Variants in FTO observed in about 807,000 individuals in gnomAD.
The protein encoded by FTO is FTO alpha-ketoglutarate dependent dioxygenase, also known as alpha-ketoglutarate-dependent dioxygenase FTO.
A neutral mutation model predicts 63.9 loss-of-function variants in FTO; 47 were observed. That is an observed-to-expected ratio of 0.74 (90% CI 0.58 to 0.94). The LOEUF (loss-of-function observed/expected upper bound fraction) is 0.94, where lower values mean the gene tolerates loss of function less well. Ranked by LOEUF, FTO falls within the 40% of genes least tolerant of loss-of-function variation. The pLI is 0.00. For synonymous variants in FTO, 207 were observed against 224.4 expected, an observed-to-expected ratio of 0.92 and a Z score of 0.69; for missense variants, 562 against 618.1, an observed-to-expected ratio of 0.91 and a Z score of 0.96.
chr16:53,882,952 T>C (rs2080878092), intron 6 of FTO, among the ~76,000 whole-genome samples: 1 of 152,148 alleles, frequency 6.6e-6, no homozygotes, highest in Non-Finnish European at 1.5e-5. Flanking sequence ...CTTGCTGCCC[T>C]TCATTGTGCC....
chr16:54,103,316 G>A (rs970369488), intron 8 of FTO, among the ~76,000 whole-genome samples: 14 of 152,136 alleles, frequency 9.2e-5, no homozygotes, highest in Admixed American at 3.9e-4. Context: ...TCCCAGAAGC[G>A]TGAGGCCCAA....
chr16:53,868,338 A>G (rs1598866731), intron 4 of FTO, among the ~76,000 whole-genome samples: 2 of 151,958 alleles, frequency 1.3e-5, no homozygotes, highest in East Asian at 1.9e-4. Context: ...CTTTCTTAGC[A>G]TATCAATTAC....
At chr16:53,966,894 G>A (rs142400743) in intron 8 of FTO, among the ~76,000 whole-genome samples, 9 of 152,274 alleles carry the variant, frequency 5.9e-5, no homozygotes, top group African/African-American at 2.2e-4. Context: ...GATACCATTT[G>A]CAATGGTAGA....
chr16:54,077,412 G>A (rs2086025895), intron 8 of FTO, among the ~76,000 whole-genome samples: 1 of 152,122 alleles, frequency 6.6e-6, no homozygotes, highest in African/African-American at 2.4e-5. Context: ...AGCTGGTATT[G>A]GTGAGGCTTG....
chr16:54,063,697 T>TTC (rs1221322350), intron 8 of FTO: 22 of 151,168 alleles, frequency 1.5e-4, no homozygotes, highest in African/African-American at 5.1e-4. Context: ...CTCTTTTCTT[T>TTC]TTTTTTTTTT....
chr16:54,076,626 A>G (rs2085999287), intron 8 of FTO, among the ~76,000 whole-genome samples: 1 of 152,184 alleles, frequency 6.6e-6, no homozygotes, highest in African/African-American at 2.4e-5. Context: ...TATATTATGT[A>G]CATATAAATT....
intron 8 of FTO, among the ~76,000 whole-genome samples, chr16:53,965,069 A>ACC (rs150762048): frequency 2.5e-4 from 38 of 152,018 alleles, no homozygotes; most frequent in African/African-American, 8.0e-4. Context: ...GTAGTGATGA[A>ACC]CCCCCCGCCC....
intron 1 of FTO, among the ~76,000 whole-genome samples, chr16:53,716,966 T>G (rs933222767): frequency 6.6e-6 from 1 of 151,268 alleles, no homozygotes; most frequent in African/African-American, 2.4e-5. Context: ...TAAACAAAAA[T>G]TAGAAAGATA....
rs542327818 is a variant in FTO at position 53,921,461 on chromosome 16, C to T, written c.1240-12524C>T. Among the ~76,000 whole-genome samples, 9 of 152,234 alleles carry T rather than the reference C, an allele frequency of 5.9e-5. No individual in the cohort carries two copies. The East Asian group carries it at 1.2e-3, about 20-fold the overall frequency. ...TTATTTCGTACTTGGTATAGTTAGC[C>T]GTTCTTCACCTTCAATTAACAGTTA... On this transcript the variant is annotated intron_variant, in intron 7 of 8. Transcript: ENST00000471389.
rs201496428 is a variant in FTO at position 53,826,340 on chromosome 16, C to T, written c.600C>T (p.Asn200=). Residue 200 remains asparagine, a synonymous_variant, in exon 3 of 9, where the codon AAC becomes AAT. Coordinates refer to ENST00000471389, the MANE Select transcript of FTO (RefSeq NM_001080432.3). ...EVDIKSRAAY[N]VTLLNFMDPQ... ...ACATTAAGAGCAGAGCAGCATACAACGTAACTTTGCTGAATTTCATGGATC... is the reference window on the plus strand; with the variant it reads ...ACATTAAGAGCAGAGCAGCATACAATGTAACTTTGCTGAATTTCATGGATC... 43 of 1,614,178 alleles carry T rather than the reference C, an allele frequency of 2.7e-5. No individual in the cohort carries two copies. Among genetic ancestry groups the T allele is most frequent in the East Asian group, 1.8e-4 (8 of 44,870 alleles).
chr16:53,922,852 A>G (rs1323654059), intron 7 of FTO, among the ~76,000 whole-genome samples: 3 of 152,204 alleles, frequency 2.0e-5, no homozygotes, highest in African/African-American at 4.8e-5. Context: ...AAGTGAGGGT[A>G]ATAAGAGTGT....
chr16:54,091,605 A>G (rs2086385085), intron 8 of FTO, among the ~76,000 whole-genome samples: 1 of 152,274 alleles, frequency 6.6e-6, no homozygotes, highest in Non-Finnish European at 1.5e-5. Context: ...GGTAACTACC[A>G]TATGAAACAA....
chr16:53,736,276 G>T (rs1441591701), intron 1 of FTO, among the ~76,000 whole-genome samples: 1 of 151,692 alleles, frequency 6.6e-6, no homozygotes, highest in Non-Finnish European at 1.5e-5. Context: ...GCTAAACCAG[G>T]TCAAACTCCT....
At chr16:53,941,031 G>A (rs1269523348) in intron 8 of FTO, among the ~76,000 whole-genome samples, 4 of 152,058 alleles carry the variant, frequency 2.6e-5, no homozygotes, top group African/African-American at 7.2e-5. Context: ...CTTTGATCGG[G>A]GCTCAACAAG....
chr16:53,847,725 G>A (rs1400012606), intron 4 of FTO, among the ~76,000 whole-genome samples: 7 of 150,970 alleles, frequency 4.6e-5, no homozygotes, highest in Admixed American at 4.6e-4. Flanking sequence ...CCGAGATCAC[G>A]CCATTGCACT....
intron 8 of FTO, among the ~76,000 whole-genome samples, chr16:54,090,082 A>G (rs2086348538): frequency 6.6e-6 from 1 of 152,236 alleles, no homozygotes; most frequent in African/African-American, 2.4e-5. Flanking sequence ...ACTGTGCATC[A>G]GTGTTCATTG....
intron 8 of FTO, among the ~76,000 whole-genome samples, chr16:53,955,980 C>CA (rs2082920728): frequency 6.6e-6 from 1 of 151,706 alleles, no homozygotes; most frequent in East Asian, 1.9e-4. Context: ...CCCATCTCTA[C>CA]AAAAAAATTT....
intron 8 of FTO, among the ~76,000 whole-genome samples, chr16:54,107,337 T>C (rs567046118): frequency 2.6e-4 from 40 of 152,254 alleles, no homozygotes; most frequent in Admixed American, 1.7e-3. Context: ...CTGGGTTCAG[T>C]AGGACTTGGG....
intron 8 of FTO, among the ~76,000 whole-genome samples, chr16:54,091,870 A>G (rs1442430054): frequency 6.6e-6 from 1 of 152,226 alleles, no homozygotes; most frequent in Non-Finnish European, 1.5e-5. Context: ...GATAATAATC[A>G]TAGCAACCTG....
Sources: allele counts gnomAD v4.1 joint callset (sites outside exome capture counted in the v4.1 genomes callset), GRCh38; gene constraint gnomAD v4.1.1; transcripts MANE v1.5; gene names NCBI Gene and HGNC (gene_info 2026-07-23, HGNC 2026-07-21).